The following C6 variants were observed in gnomAD, a reference collection of about 807,000 sequenced individuals.
The protein encoded by C6 is complement component C6.
Under a neutral mutation model 112.9 loss-of-function variants are expected in C6, and 101 were observed. The ratio of observed to expected loss-of-function variants is 0.89; its 90% confidence interval spans 0.76 to 1.06. The LOEUF is 1.06. C6 is among the 50% of genes least tolerant of loss of function. The pLI, the probability that C6 is intolerant of heterozygous loss-of-function variation, is 0.00. For missense variants in C6, 1,202 were observed against 1,104.6 expected (o/e 1.09, Z -1.25); for synonymous variants, 431 against 384.1 (o/e 1.12, Z -1.43).
chr5:41,222,709 C>G (rs73074048), intron 1 of C6, among the ~76,000 whole-genome samples: 11,685 of 152,182 alleles, frequency 0.077, 744 homozygotes, highest in African/African-American at 0.17. Context: ...CCTGCTCTTA[C>G]GAGTCAGGTA....
intron 9 of C6, among the ~76,000 whole-genome samples, chr5:41,167,233 G>A (rs1748056088): frequency 6.6e-6 from 1 of 151,976 alleles, no homozygotes; most frequent in Non-Finnish European, 1.5e-5. Context: ...TTGAAGGCTA[G>A]GGTTTTTAAT....
chr5:41,153,908 G>A lies in C6; in HGVS notation c.2192C>T (p.Thr731Ile). Residue 731 changes from threonine (T) to isoleucine (I), a missense_variant, in exon 15 of 18, where the codon ACT becomes ATT. By Grantham distance (89) the Thr-to-Ile change is moderately conservative. Coordinates refer to ENST00000337836, the MANE Select transcript of C6 (RefSeq NM_000065.5). ...LYRIGESIEL[T>I]CPKGFVVAGP... Reference sequence around the variant, plus strand: ...AGCAACAACAAAGCCTTTGGGGCAAGTTAGCTCAATGGATTCACCAATTCT... The same window carrying A: ...AGCAACAACAAAGCCTTTGGGGCAAATTAGCTCAATGGATTCACCAATTCT... 1 of 1,613,604 alleles carries A rather than the reference G, an allele frequency of 6.2e-7. No individual in the cohort carries two copies. The highest frequency in any genetic ancestry group is 1.1e-5 in the South Asian group (1 of 91,082).
chr5:41,184,092 G>A (rs1474973072), intron 6 of C6, among the ~76,000 whole-genome samples: 2 of 151,292 alleles, frequency 1.3e-5, no homozygotes, highest in African/African-American at 2.4e-5. Flanking sequence ...AAAGCCAGGT[G>A]ACAAACTCGC....
intron 7 of C6, among the ~76,000 whole-genome samples, chr5:41,178,090 G>A (rs1749002027): frequency 6.6e-6 from 1 of 152,096 alleles, no homozygotes; most frequent in South Asian, 2.1e-4. Context: ...CCTCCATGGT[G>A]TTCTACTTGC....
chr5:41,148,361 G>A (rs1002587045), intron 17 of C6, among the ~76,000 whole-genome samples: 1 of 152,184 alleles, frequency 6.6e-6, no homozygotes, highest in Non-Finnish European at 1.5e-5. Context: ...AACATGTAGA[G>A]TATGCTCCGA....
chr5:41,211,404 C>CT lies in C6; in HGVS notation c.-21+1971dup, dbSNP rs1251903727. 4.0e-5 allele frequency among the ~76,000 whole-genome samples: 6 copies of CT among 151,838 alleles called. No individual in the cohort carries two copies. In the East Asian group the frequency reaches 5.8e-4, roughly 15 times the overall value. On this transcript the variant is annotated intron_variant, in intron 1 of 17. Transcript: ENST00000337836. ...AAGTATAATAAAAAAAAATGAGGGG[C>CT]TTTTTTTCCCACTCCACTTGCAAGC...
At chr5:41,181,240 A>C in intron 7 of C6, 119 bp downstream of exon 7, 2 of 884,678 alleles carry the variant, frequency 2.3e-6, no homozygotes, top group Non-Finnish European at 3.6e-6. Flanking sequence ...AAATTACTTA[A>C]ATCTGTATTA....
In C6 at chr5:41,172,531, C is replaced by A. The variant is rs535521920; in HGVS notation, c.1169-184G>T. Reference sequence around the variant, plus strand: ...CCTATAGATTCAATCCTGCATGGGCCCAGAGATGATCCTGAACAGGAGTCC... The same window carrying A: ...CCTATAGATTCAATCCTGCATGGGCACAGAGATGATCCTGAACAGGAGTCC... On this transcript the variant is annotated intron_variant, in intron 8 of 17. Transcript: ENST00000337836. The A allele has an allele frequency of 9.4e-5, 61 of 647,992 alleles. No individual in the cohort carries two copies. The African/African-American group carries it at 1.0e-3, about 11-fold the overall frequency. The allele number at this position is 647,992 out of a possible 1,614,324, so 40.1% of individuals were successfully genotyped here. A position where few individuals can be genotyped will look rare whatever the true frequency, so the allele number is the denominator to read the frequency against.
intron 17 of C6, among the ~76,000 whole-genome samples, chr5:41,149,038 A>G (rs1441392188): frequency 6.6e-6 from 1 of 152,194 alleles, no homozygotes; most frequent in Non-Finnish European, 1.5e-5. Context: ...GATTGGCAAG[A>G]TATACACCCA....
At chr5:41,166,651 T>C (rs1748000341) in intron 9 of C6, among the ~76,000 whole-genome samples, 1 of 151,982 alleles carries the variant, frequency 6.6e-6, no homozygotes, top group African/African-American at 2.4e-5. Context: ...GTGGAGGAAA[T>C]AGAAAGTAAA....
chr5:41,200,211 T>C lies in C6; in HGVS notation c.301-299A>G, dbSNP rs191307193. On this transcript the variant is annotated intron_variant, in intron 3 of 17. Transcript: ENST00000337836. ...CAAAATAAAATATATAAATGTTTGC[T>C]GAGAGTCTCTTGAGTACAGTAAATT... 8.5e-5 allele frequency among the ~76,000 whole-genome samples: 13 copies of C among 152,324 alleles called. No individual in the cohort carries two copies. In the East Asian group the frequency reaches 2.3e-3, roughly 27 times the overall value.
At chr5:41,204,882 G>A (rs895711333) in intron 1 of C6, among the ~76,000 whole-genome samples, 2 of 151,772 alleles carry the variant, frequency 1.3e-5, no homozygotes, top group Non-Finnish European at 2.9e-5. Context: ...CGTTAGCCAG[G>A]GTGGTCTCGA....
rs760839300 is a variant in C6, at chr5:41,159,055, C to T, written c.1856+27G>A. On this transcript the variant is annotated intron_variant, in intron 12 of 17. Coordinates refer to ENST00000337836, the MANE Select transcript of C6 (RefSeq NM_000065.5). ...TTATTGAGAGTTAGGGCAAAATGAC[C>T]CATTCTTTTCCCTTACCCGGCCTTA... 5.0e-6 allele frequency: 8 copies of T among 1,611,982 alleles called. No homozygotes were observed. In the Admixed American group the frequency reaches 1.2e-4, roughly 24 times the overall value.
At chr5:41,183,393 T>C (rs1436535637) in intron 6 of C6, among the ~76,000 whole-genome samples, 1 of 152,126 alleles carries the variant, frequency 6.6e-6, no homozygotes, top group Non-Finnish European at 1.5e-5. Flanking sequence ...TCATCATCAA[T>C]AATCATCAGA....
At chr5:41,255,909 T>C (rs1741665444) in intron 1 of C6, among the ~76,000 whole-genome samples, 3 of 152,194 alleles carry the variant, frequency 2.0e-5, no homozygotes, top group African/African-American at 7.2e-5. Flanking sequence ...AAAAGATGTC[T>C]AAGCATCTGT....
intron 1 of C6, among the ~76,000 whole-genome samples, chr5:41,206,700 A>G (rs1751463058): frequency 6.6e-6 from 1 of 152,222 alleles, no homozygotes; most frequent in South Asian, 2.1e-4. Flanking sequence ...GAAATGAACG[A>G]AGCCTCCAAG....
At chr5:41,145,431 T>G (rs192902285) in intron 17 of C6, among the ~76,000 whole-genome samples, 1 of 152,306 alleles carries the variant, frequency 6.6e-6, no homozygotes, top group African/African-American at 2.4e-5. Flanking sequence ...TTCTGAATTG[T>G]GCATGCAGGT....
chr5:41,196,110 T>G (rs541458397), intron 4 of C6, among the ~76,000 whole-genome samples, 177 bp from the exon 5 acceptor site: 16 of 152,282 alleles, frequency 1.1e-4, no homozygotes, highest in Admixed American at 6.5e-4. Context: ...AAATTTCCAC[T>G]TGTAAGATTA....
At chr5:41,193,812 T>G (rs1225347909) in intron 5 of C6, among the ~76,000 whole-genome samples, 1 of 151,558 alleles carries the variant, frequency 6.6e-6, no homozygotes, top group Non-Finnish European at 1.5e-5. Context: ...TTTTTTTTTT[T>G]TGTGGTTAGA....
Sources: gnomAD v4.1 joint callset for allele counts (sites outside exome capture counted in the v4.1 genomes callset) on GRCh38, gnomAD v4.1.1 for gene constraint, MANE v1.5 for transcripts, NCBI Gene and HGNC (gene_info 2026-07-23, HGNC 2026-07-21) for gene names.